SLC16A14: variants seen among roughly 807,000 people sequenced by gnomAD.
SLC16A14 encodes the protein solute carrier family 16 member 14, also known as monocarboxylate transporter 14.
SLC16A14 carries 14 observed loss-of-function variants against 35.8 expected under a neutral mutation model. That is an observed-to-expected ratio of 0.39 (90% CI 0.26 to 0.61). The LOEUF (loss-of-function observed/expected upper bound fraction) is 0.61, where lower values mean the gene tolerates loss of function less well. Ranked by LOEUF, SLC16A14 falls within the 20% of genes least tolerant of loss-of-function variation. SLC16A14 has a pLI of 0.51. For synonymous variants in SLC16A14, 248 were observed against 258.9 expected (o/e 0.96, Z 0.40); for missense variants, 533 against 655.0 (o/e 0.81, Z 2.03).
chr2:230,061,187 C>T (rs922964073), intron 1 of SLC16A14, among the ~76,000 whole-genome samples: 7 of 152,200 alleles, frequency 4.6e-5, no homozygotes, highest in African/African-American at 1.4e-4. Flanking sequence ...AGTTGGTCTG[C>T]TTTCTAAATC....
At chr2:230,049,509 G>A (rs2077639638) in intron 3 of SLC16A14, among the ~76,000 whole-genome samples, 1 of 152,118 alleles carries the variant, frequency 6.6e-6, no homozygotes, top group Non-Finnish European at 1.5e-5. Context: ...TTAGAACCAG[G>A]CATATGGAAA....
chr2:230,041,520 G>T (rs1398467198), intron 4 of SLC16A14, among the ~76,000 whole-genome samples: 4 of 151,936 alleles, frequency 2.6e-5, no homozygotes, highest in African/African-American at 9.7e-5. Context: ...TTATAGAGAT[G>T]AGGTTTCACC....
intron 4 of SLC16A14, among the ~76,000 whole-genome samples, chr2:230,037,914 T>C (rs1013752400): frequency 1.3e-5 from 2 of 152,202 alleles, no homozygotes; most frequent in African/African-American, 2.4e-5. Context: ...ATTTTCTTTT[T>C]TCACAAGTGC....
chr2:230,037,455 G>C lies in SLC16A14; in HGVS notation c.1458C>G (p.Leu486=). The part of the protein sequence containing the change: ...ICGLLYMIGI[L]FLLIQPCIRI... ...GAATGCACGGCTGAATAAGTAAAAA[G>C]AGTATTCCTATCATGTAAAGCAAAC... Residue 486 remains leucine (L), a synonymous_variant, in exon 5 of 5, where the codon CTC becomes CTG. Transcript: ENST00000295190. 1 of 1,612,962 alleles carries C rather than the reference G, an allele frequency of 6.2e-7. No homozygotes were observed. Among genetic ancestry groups the C allele is most frequent in the Non-Finnish European group, 8.5e-7 (1 of 1,179,720 alleles).
chr2:230,050,330 G>C (rs762213376), intron 2 of SLC16A14, among the ~76,000 whole-genome samples: 1 of 152,242 alleles, frequency 6.6e-6, no homozygotes, highest in African/African-American at 2.4e-5. Flanking sequence ...GTTAGTTGGA[G>C]CTGTGCAGTG....
At chr2:230,040,718 G>A (rs1303025945) in intron 4 of SLC16A14, among the ~76,000 whole-genome samples, 1 of 152,042 alleles carries the variant, frequency 6.6e-6, no homozygotes, top group Non-Finnish European at 1.5e-5. Flanking sequence ...TTCATGTCAA[G>A]TTAATCCCAT....
rs181116610 is a variant in SLC16A14 at position 230,051,265 on chromosome 2, G to A, written c.260-1361C>T. Among the ~76,000 whole-genome samples the A allele has an allele frequency of 9.9e-4, 150 of 152,234 alleles. 1 individual carries two copies. Among genetic ancestry groups the A allele is most frequent in the African/African-American group, 3.0e-3 (126 of 41,526 alleles). ...AGCCTTCACCTCCCTGGGATCAAGC[G>A]ATCCTCCCATCTCAGCCTCCTAAGT... On this transcript the variant is annotated intron_variant, in intron 2 of 4. Transcript: ENST00000295190.
At chr2:230,050,127 G>T (rs2077647160) in intron 2 of SLC16A14, among the ~76,000 whole-genome samples, 1 of 152,230 alleles carries the variant, frequency 6.6e-6, no homozygotes, top group South Asian at 2.1e-4. Context: ...AGGCAGACCT[G>T]AAATAAATAG....
rs1381261140 is a variant in SLC16A14, at chr2:230,046,735, A to C, written c.404-13T>G. 6.4e-7 allele frequency: 1 copy of C among 1,573,622 alleles called. No individual in the cohort carries two copies. Among genetic ancestry groups the C allele is most frequent in the East Asian group, 2.3e-5 (1 of 44,416 alleles). The stretch of plus-strand genomic sequence containing the variant: ...CCGCTGCCCAGGCCTGTACAGGCCG[A>C]CGGGGGGAAGAAAAGACACAGTGCA... On this transcript the variant is annotated splice_polypyrimidine_tract_variant and intron_variant, in intron 3 of 4. Coordinates refer to ENST00000295190, the MANE Select transcript of SLC16A14 (RefSeq NM_152527.5). The surrounding 1 kb of genome is among the most constrained non-coding windows in gnomAD (Gnocchi z 5.0).
chr2:230,052,041 AT>A (rs1210880152), intron 2 of SLC16A14, among the ~76,000 whole-genome samples: 1 of 149,176 alleles, frequency 6.7e-6, no homozygotes, highest in African/African-American at 2.5e-5. Flanking sequence ...GGTTCGCGCC[AT>A]TCTCCTGCCT....
At chr2:230,058,825 G>T (rs1306357413) in intron 2 of SLC16A14, among the ~76,000 whole-genome samples, 1 of 152,104 alleles carries the variant, frequency 6.6e-6, no homozygotes, top group Non-Finnish European at 1.5e-5. Context: ...TAGAGACAGG[G>T]TTTTGCCATG....
intron 2 of SLC16A14, among the ~76,000 whole-genome samples, chr2:230,058,822 AG>A (rs2077727831): frequency 6.6e-6 from 1 of 152,144 alleles, no homozygotes; most frequent in South Asian, 2.1e-4. Flanking sequence ...TAGTAGAGAC[AG>A]GGTTTTGCCA....
intron 2 of SLC16A14, among the ~76,000 whole-genome samples, chr2:230,056,639 A>G (rs1342127509): frequency 1.3e-5 from 2 of 152,088 alleles, no homozygotes; most frequent in Non-Finnish European, 2.9e-5. Flanking sequence ...AGGCTGAGGC[A>G]GGAGGATCTC....
At chr2:230,040,466 C>T (rs1383972850) in intron 4 of SLC16A14, among the ~76,000 whole-genome samples, 1 of 152,186 alleles carries the variant, frequency 6.6e-6, no homozygotes, top group Non-Finnish European at 1.5e-5. Flanking sequence ...AGATAATCCA[C>T]CCGCCTCAGC....
rs1263362183 is a variant in SLC16A14 at position 230,038,317 on chromosome 2, T to A, written c.1382-786A>T. ...TTTATGTATCAGTAAGAAATAAATA[T>A]CCTTGTCAATTCAAATATGACTCAG... On this transcript the variant is annotated intron_variant, in intron 4 of 4. Transcript: ENST00000295190. This position sits in a 1 kb window ranked among gnomAD's most constrained non-coding sequence, Gnocchi z 4.4. 1.3e-5 allele frequency among the ~76,000 whole-genome samples: 2 copies of A among 152,176 alleles called. No homozygotes were observed. Among genetic ancestry groups the A allele is most frequent in the African/African-American group, 4.8e-5 (2 of 41,446 alleles).
chr2:230,044,980 G>C (rs1028704852), intron 4 of SLC16A14, among the ~76,000 whole-genome samples: 1 of 152,102 alleles, frequency 6.6e-6, no homozygotes, highest in Non-Finnish European at 1.5e-5. Flanking sequence ...GTGTTCTGTT[G>C]CACCTGCCAC....
Position 230,068,738 on chromosome 2 carries a change from C to T in SLC16A14, c.-198G>A, listed in dbSNP as rs1039597865. ...CCGGCTCGGTGCGCTCTGTGAGGGG[C>T]TCCCGGGCTCTTCCGCCGCTCGCTG... On this transcript the variant is annotated 5_prime_UTR_variant, in exon 1 of 5. Transcript: ENST00000295190. The surrounding 1 kb of genome is among the most constrained non-coding windows in gnomAD (Gnocchi z 5.1). The T allele has an allele frequency of 1.3e-5, 2 of 152,716 alleles. No homozygotes were observed. Among genetic ancestry groups the T allele is most frequent in the African/African-American group, 2.4e-5 (1 of 41,452 alleles). 9.5% of individuals were successfully genotyped at this position (152,716 alleles called of 1,614,324 possible). A position where few individuals can be genotyped will look rare whatever the true frequency, so the allele number is the denominator to read the frequency against.
intron 4 of SLC16A14, 90 bp from the exon 5 acceptor site, chr2:230,037,621 T>C: frequency 9.7e-7 from 1 of 1,025,772 alleles, no homozygotes. Flanking sequence ...CTGCTGTACA[T>C]GTTTCTACAA....
intron 4 of SLC16A14, among the ~76,000 whole-genome samples, chr2:230,044,720 GTGTGTGTGTGTGTGTGTA>G (rs1274239420): frequency 0.019 from 2,330 of 120,026 alleles, 30 homozygotes; most frequent in Non-Finnish European, 0.028. Context: ...GTGTGTGTGT[GTGTGTGTGTGTGTGTGTA>G]TGTGTGTGTG....
Sources: gnomAD v4.1 joint callset for allele counts (sites outside exome capture counted in the v4.1 genomes callset) on GRCh38, gnomAD v4.1.1 for gene constraint, Gnocchi (gnomAD v3.1) non-coding constraint, MANE v1.5 for transcripts, NCBI Gene and HGNC (gene_info 2026-07-23, HGNC 2026-07-21) for gene names.